Variants in ATP2B1 observed in about 807,000 individuals in gnomAD.
ATP2B1 encodes the protein ATPase plasma membrane Ca2+ transporting 1, also known as plasma membrane calcium-transporting ATPase 1.
In ATP2B1, 14 loss-of-function variants were observed where a neutral mutation model predicts 124.2. The ratio of observed to expected loss-of-function variants is 0.11; its 90% confidence interval spans 0.07 to 0.18. ATP2B1 has a LOEUF of 0.18. Among genes scored for constraint, ATP2B1 ranks in the 10% least tolerant of loss-of-function variants. The pLI is 1.00. For missense variants in ATP2B1, 763 were observed against 1,466.1 expected (o/e 0.52, Z 7.83); for synonymous variants, 449 against 492.4 (o/e 0.91, Z 1.17).
At chr12:89,626,645 A>G in intron 7 of ATP2B1, 30 bp from the exon 8 acceptor site, 1 of 1,560,680 alleles carries the variant, frequency 6.4e-7, no homozygotes, top group Non-Finnish European at 8.6e-7. Flanking sequence ...GAACTTCACT[A>G]TACTTTAAAG....
chr12:89,611,188 T>C lies in ATP2B1; in HGVS notation c.2247+5A>G, dbSNP rs767969351. ...ACCAAAAACAAAATAATAATAAATC[T>C]TTACCTCTCCTTTTTCATTTCGTAT... is the stretch of plus-strand genomic sequence containing the variant. On this transcript the variant is annotated splice_donor_5th_base_variant and intron_variant, in intron 13 of 20. Transcript: ENST00000428670. 2 of 1,578,634 alleles carry C rather than the reference T, an allele frequency of 1.3e-6. No homozygotes were observed. Among genetic ancestry groups the C allele is most frequent in the Non-Finnish European group, 1.7e-6 (2 of 1,169,358 alleles).
chr12:89,699,698 A>G (rs1485349020), intron 1 of ATP2B1, among the ~76,000 whole-genome samples: 1 of 152,210 alleles, frequency 6.6e-6, no homozygotes, highest in African/African-American at 2.4e-5. Context: ...ATCATGGAGT[A>G]AAAACCAAAA....
At chr12:89,643,063 CAT>C (rs1555201597) in intron 2 of ATP2B1, among the ~76,000 whole-genome samples, 330 of 136,722 alleles carry the variant, frequency 2.4e-3, no homozygotes, top group Middle Eastern at 0.011. Flanking sequence ...TATAAAGATA[CAT>C]ACACACACAC....
At chr12:89,646,734 C>T (rs1240241029) in intron 2 of ATP2B1, among the ~76,000 whole-genome samples, 1 of 152,112 alleles carries the variant, frequency 6.6e-6, no homozygotes, top group Admixed American at 6.6e-5. Flanking sequence ...TGGGAATGAG[C>T]AAGTGGCAAC....
intron 1 of ATP2B1, among the ~76,000 whole-genome samples, chr12:89,671,121 A>G (rs1887922753): frequency 6.6e-6 from 1 of 152,138 alleles, no homozygotes; most frequent in African/African-American, 2.4e-5. Context: ...AATATCAGCA[A>G]TTTCATAGAG....
chr12:89,602,122 G>A (rs1421474942), intron 18 of ATP2B1, among the ~76,000 whole-genome samples: 1 of 152,098 alleles, frequency 6.6e-6, no homozygotes, highest in African/African-American at 2.4e-5. Flanking sequence ...CTAAAATAGT[G>A]TGCATGGAAA....
upstream of ATP2B1, chr12:89,708,928 C>T (rs1425271708): frequency 6.6e-6 from 1 of 151,756 alleles, no homozygotes; most frequent in Non-Finnish European, 1.5e-5. Flanking sequence ...CCGCCCGCGT[C>T]CCCGCAGGAC....
intron 1 of ATP2B1, among the ~76,000 whole-genome samples, chr12:89,698,018 A>G (rs577484853): frequency 1.3e-5 from 2 of 152,158 alleles, no homozygotes; most frequent in South Asian, 2.1e-4. Context: ...TTACAGGCCC[A>G]TGCCACTACG....
At chr12:89,653,024 G>A (rs934404467) in intron 2 of ATP2B1, among the ~76,000 whole-genome samples, 1 of 152,062 alleles carries the variant, frequency 6.6e-6, no homozygotes, top group East Asian at 1.9e-4. Flanking sequence ...CCACTGCACT[G>A]CTGTTTTCAT....
chr12:89,597,344 T>C (rs1209231886), intron 20 of ATP2B1, among the ~76,000 whole-genome samples: 1 of 152,128 alleles, frequency 6.6e-6, no homozygotes, highest in Non-Finnish European at 1.5e-5. Context: ...AAATTTAATA[T>C]CTTAATGTTA....
At chr12:89,641,874 A>G (rs1051644084) in intron 3 of ATP2B1, 9 of 271,304 alleles carry the variant, frequency 3.3e-5, no homozygotes, top group Non-Finnish European at 6.2e-5. Flanking sequence ...CTGTGATAGC[A>G]AAGACCATGT....
In ATP2B1 at chr12:89,603,529, A is replaced by C; in HGVS notation, c.2848+183T>G. 1 of 669,200 alleles carries C rather than the reference A, an allele frequency of 1.5e-6. No homozygotes were observed. Among genetic ancestry groups the C allele is most frequent in the Admixed American group, 2.9e-5 (1 of 34,334 alleles). The allele number at this position is 669,200 out of a possible 1,614,324, so 41.5% of individuals were successfully genotyped here. ...GACTGTTTATTCTCCTGTTTATTCT[A>C]CTATCTAGCTTATTGTCCTCCCAAA... is the stretch of plus-strand genomic sequence containing the variant. On this transcript the variant is annotated intron_variant, in intron 17 of 20. Transcript: ENST00000428670. This position sits in a 1 kb window ranked among gnomAD's most constrained non-coding sequence, Gnocchi z 4.3.
chr12:89,699,775 G>A (rs1450272027), intron 1 of ATP2B1, among the ~76,000 whole-genome samples: 3 of 152,164 alleles, frequency 2.0e-5, no homozygotes, highest in African/African-American at 4.8e-5. Context: ...CAGCAGGAGG[G>A]CCGGAGGTGA....
At chr12:89,655,654 C>T in intron 2 of ATP2B1, 25 bp downstream of exon 2, 2 of 1,607,052 alleles carry the variant, frequency 1.2e-6, no homozygotes, top group Non-Finnish European at 1.7e-6. Context: ...CACAAAGAAC[C>T]AAAAACAAGC....
At chr12:89,700,459 T>C (rs1292465921) in intron 1 of ATP2B1, among the ~76,000 whole-genome samples, 2 of 152,194 alleles carry the variant, frequency 1.3e-5, no homozygotes, top group Admixed American at 6.5e-5. Flanking sequence ...AGAGTAGTTA[T>C]AGCACTTACT....
intron 3 of ATP2B1, 96 bp downstream of exon 3, chr12:89,642,062 A>G (rs1271895268): frequency 8.0e-7 from 1 of 1,243,022 alleles, no homozygotes; most frequent in Non-Finnish European, 1.1e-6. Flanking sequence ...CATAGCAAAC[A>G]TCAATAAATG....
intron 1 of ATP2B1, among the ~76,000 whole-genome samples, chr12:89,706,965 G>A (rs1391261085): frequency 6.6e-6 from 1 of 151,936 alleles, no homozygotes; most frequent in African/African-American, 2.4e-5. Context: ...ACGTCCTCCT[G>A]AAATCATAGC....
rs1415650586 is a variant in ATP2B1 at position 89,656,000 on chromosome 12, T to G, written c.-114A>C. 9.2e-7 allele frequency: 1 copy of G among 1,085,768 alleles called. No homozygotes were observed. The highest frequency in any genetic ancestry group is 1.3e-6 in the Non-Finnish European group (1 of 774,710). 67.3% of individuals were successfully genotyped at this position (1,085,768 alleles called of 1,614,324 possible). On this transcript the variant is annotated 5_prime_UTR_variant, in exon 2 of 21. An upstream open reading frame in the 5' UTR loses its in-frame stop. Coordinates refer to ENST00000428670, the MANE Select transcript of ATP2B1 (RefSeq NM_001366521.1). ...TGAAAATCTTTCTTAAACCAAACAC[T>G]CATTGTATGACTTTGTAAAGCAGCA...
chr12:89,702,436 G>T (rs1209282775), intron 1 of ATP2B1, among the ~76,000 whole-genome samples: 1 of 152,196 alleles, frequency 6.6e-6, no homozygotes, highest in Non-Finnish European at 1.5e-5. Flanking sequence ...GTAGATTAAA[G>T]CAGCAGATCT....
Sources: allele counts gnomAD v4.1 joint callset (sites outside exome capture counted in the v4.1 genomes callset), GRCh38; gene constraint gnomAD v4.1.1; non-coding constraint Gnocchi (gnomAD v3.1); transcripts MANE v1.5; gene names NCBI Gene and HGNC (gene_info 2026-07-23, HGNC 2026-07-21).